The following FAT4 variants were observed in gnomAD, a reference collection of about 807,000 sequenced individuals.
FAT4 encodes the protein FAT atypical cadherin 4, also known as protocadherin Fat 4.
A neutral mutation model predicts 303.9 loss-of-function variants in FAT4; 84 were observed. The observed-to-expected ratio is 0.28, with a 90% CI of 0.23 to 0.33. The LOEUF (loss-of-function observed/expected upper bound fraction) is 0.33. Among genes scored for constraint, FAT4 ranks in the 10% least tolerant of loss-of-function variants. The probability of loss-of-function intolerance (pLI) is 1.00; values close to 1 mark genes in which losing one functional copy is unlikely to be tolerated. For synonymous variants in FAT4, 2,307 were observed against 2,298.8 expected (o/e 1.00, Z -0.10); for missense variants, 6,005 against 6,146.8 (o/e 0.98, Z 0.77).
intron 7 of FAT4, among the ~76,000 whole-genome samples, chr4:125,433,626 C>T (rs1339155028): frequency 6.6e-6 from 1 of 152,184 alleles, no homozygotes; most frequent in Non-Finnish European, 1.5e-5. Context: ...TTTCACGTTA[C>T]ATTGAATTTT....
chr4:125,440,604 TGTGTGTGAGA>T (rs1252665945), intron 8 of FAT4, among the ~76,000 whole-genome samples: 3 of 35,566 alleles, frequency 8.4e-5, no homozygotes, highest in East Asian at 1.7e-3. Flanking sequence ...TGTGTGTGTG[TGTGTGTGAGA>T]GAGAGAGAGA....
chr4:125,414,730 A>G (rs1435384185), intron 5 of FAT4, among the ~76,000 whole-genome samples, 154 bp from the exon 6 acceptor site: 1 of 152,180 alleles, frequency 6.6e-6, no homozygotes, highest in Non-Finnish European at 1.5e-5. Flanking sequence ...GTAAATAGCA[A>G]GCAGTATATA....
In FAT4 at chr4:125,488,833, A is replaced by G. The variant is rs7692241; in HGVS notation, c.13085-1068A>G. 7.1e-3 allele frequency among the ~76,000 whole-genome samples: 1,086 copies of G among 152,278 alleles called. 12 individuals carry two copies. Among genetic ancestry groups the G allele is most frequent in the African/African-American group, 0.025 (1,054 of 41,556 alleles). ...GTACTGGACATGGATGTGATCACCT[A>G]ACATGAGGGCGTAGAGTGAAAAGAA... On this transcript the variant is annotated intron_variant, in intron 17 of 17. Coordinates refer to ENST00000394329, the MANE Select transcript of FAT4 (RefSeq NM_001291303.3).
intron 3 of FAT4, among the ~76,000 whole-genome samples, chr4:125,400,647 A>G (rs758564289): frequency 2.6e-5 from 4 of 151,890 alleles, no homozygotes; most frequent in Non-Finnish European, 4.4e-5. Flanking sequence ...TTATACATCT[A>G]GGTATTTAGA....
intron 7 of FAT4, among the ~76,000 whole-genome samples, chr4:125,426,232 A>G (rs751014348): frequency 2.6e-5 from 4 of 152,078 alleles, no homozygotes; most frequent in African/African-American, 7.2e-5. Context: ...CATTTTGTCA[A>G]TATTATTTGT....
chr4:125,366,192 C>T (rs1051948785), intron 2 of FAT4, among the ~76,000 whole-genome samples: 2 of 152,068 alleles, frequency 1.3e-5, no homozygotes, highest in Non-Finnish European at 2.9e-5. Flanking sequence ...ATTTCATCAC[C>T]CAGGTATTAA....
intron 2 of FAT4, among the ~76,000 whole-genome samples, chr4:125,394,638 C>T (rs192021205): frequency 1.1e-3 from 166 of 152,192 alleles, no homozygotes; most frequent in Admixed American, 2.6e-3. Context: ...CTCTAAACTT[C>T]TAATGTTCAA....
At chr4:125,481,452 A>C (rs1727222238) in intron 15 of FAT4, 69 bp from the exon 16 acceptor site, 2 of 1,320,540 alleles carry the variant, frequency 1.5e-6, no homozygotes, top group African/African-American at 1.5e-5. Flanking sequence ...TATTTTTGTC[A>C]CTATAGAAAA....
At chr4:125,467,771 A>C (rs1175242498) in intron 11 of FAT4, among the ~76,000 whole-genome samples, 2 of 152,224 alleles carry the variant, frequency 1.3e-5, no homozygotes, top group Non-Finnish European at 2.9e-5. Context: ...AAACAAATGC[A>C]TTTGCCATCT....
rs17009491 is a variant in FAT4, at chr4:125,344,033, T to C, written c.5175+22447T>C. Among the ~76,000 whole-genome samples the C allele has an allele frequency of 2.0e-3, 303 of 152,226 alleles. 6 individuals carry two copies. The East Asian group carries it at 0.046, about 23-fold the overall frequency. On this transcript the variant is annotated intron_variant, in intron 2 of 17. Transcript: ENST00000394329. ...AGTGTATTAGGAGAGAGAGCCTTTA[T>C]TGCTAGGTTAAGTAATTTACATTTT...
At chr4:125,393,893 C>A (rs767105348) in intron 2 of FAT4, 1 of 777,272 alleles carries the variant, frequency 1.3e-6, no homozygotes, top group Non-Finnish European at 2.4e-6. Flanking sequence ...GCTCAGGGCT[C>A]AGGTGACTCA....
In FAT4 at chr4:125,320,308, T is replaced by C. The variant is rs1444384447; in HGVS notation, c.3897T>C (p.Cys1299=). ...DSGTIPLNST[C]TLNIDILDEN... ...GGACAATCCCCCTCAATTCAACGTG[T>C]ACTTTAAATATTGATATTTTAGATG... is the stretch of plus-strand genomic sequence containing the variant. Residue 1299 remains cysteine (C), a synonymous_variant, in exon 2 of 18, where the codon TGT becomes TGC. Coordinates refer to ENST00000394329, the MANE Select transcript of FAT4 (RefSeq NM_001291303.3). 2 of 1,613,254 alleles carry C rather than the reference T, an allele frequency of 1.2e-6. No homozygotes were observed. The highest frequency in any genetic ancestry group is 8.5e-7 in the Non-Finnish European group (1 of 1,179,216).
At chr4:125,425,988 G>T (rs971701033) in intron 7 of FAT4, among the ~76,000 whole-genome samples, 53 of 152,022 alleles carry the variant, frequency 3.5e-4, no homozygotes, top group Non-Finnish European at 1.2e-4. Context: ...CTTTTTAATG[G>T]AGGGAAACAT....
At position 125,450,197 on chromosome 4, in the gene FAT4, G is replaced by A. The variant is rs2126059081; in HGVS notation, c.9187G>A (p.Ala3063Thr). 6.2e-7 allele frequency: 1 copy of A among 1,613,830 alleles called. No homozygotes were observed. Among genetic ancestry groups the A allele is most frequent in the Non-Finnish European group, 8.5e-7 (1 of 1,179,974 alleles). The change falls in exon 10 of 18, where the codon GCA becomes ACA. Residue 3063 changes from alanine (A) to threonine (T), a missense_variant. Transcript: ENST00000394329. Reference sequence around the variant, plus strand: ...CCAAAACTTTTTTATCACAGTCACTGCAAAGGATAAGGGAAACCCTCCACT... The same window carrying A: ...CCAAAACTTTTTTATCACAGTCACTACAAAGGATAAGGGAAACCCTCCACT... ...LNQNFFITVT[A>T]KDKGNPPLSS...
intron 2 of FAT4, among the ~76,000 whole-genome samples, chr4:125,328,674 C>A (rs533846285): frequency 9.2e-5 from 14 of 152,288 alleles, no homozygotes; most frequent in African/African-American, 3.4e-4. Flanking sequence ...TATTGTTAGA[C>A]ACTGGTAAAC....
intron 2 of FAT4, among the ~76,000 whole-genome samples, chr4:125,371,442 G>C (rs998172733): frequency 1.3e-5 from 2 of 151,800 alleles, no homozygotes; most frequent in Non-Finnish European, 2.9e-5. Context: ...GGCTGTGAAG[G>C]GTGGCCAGGG....
chr4:125,326,345 C>T (rs1731155652), intron 2 of FAT4, among the ~76,000 whole-genome samples: 1 of 151,472 alleles, frequency 6.6e-6, no homozygotes, highest in South Asian at 2.1e-4. Flanking sequence ...GTGTATTGAA[C>T]CTCACAAGCA....
chr4:125,422,589 G>A (rs1423417616), intron 7 of FAT4, among the ~76,000 whole-genome samples: 4 of 152,176 alleles, frequency 2.6e-5, no homozygotes, highest in Admixed American at 6.5e-5. Flanking sequence ...GTGATTGTAA[G>A]TTTCTTGAGG....
chr4:125,375,836 A>T (rs1393584516), intron 2 of FAT4, among the ~76,000 whole-genome samples: 2 of 152,238 alleles, frequency 1.3e-5, no homozygotes, highest in Admixed American at 6.5e-5. Flanking sequence ...AGTCACCTGC[A>T]CTACGTTTAA....
Sources: gnomAD v4.1 joint callset for allele counts (sites outside exome capture counted in the v4.1 genomes callset) on GRCh38, gnomAD v4.1.1 for gene constraint, MANE v1.5 for transcripts, NCBI Gene and HGNC (gene_info 2026-07-23, HGNC 2026-07-21) for gene names.